CLASP2: variants seen among roughly 807,000 people sequenced by gnomAD.
CLASP2 encodes cytoplasmic linker associated protein 2.
A neutral mutation model predicts 194.4 loss-of-function variants in CLASP2; 47 were observed. The ratio of observed to expected loss-of-function variants is 0.24; its 90% CI spans 0.19 to 0.31. The LOEUF is 0.31. CLASP2 is among the 10% of genes least tolerant of loss of function. CLASP2 has a pLI of 1.00. For missense variants in CLASP2, 1,445 were observed against 1,823.6 expected (o/e 0.79, Z 3.78); for synonymous variants, 619 against 633.5 (o/e 0.98, Z 0.34).
At chr3:33,598,823 A>G (rs1403021850) in intron 18 of CLASP2, among the ~76,000 whole-genome samples, 2 of 152,200 alleles carry the variant, frequency 1.3e-5, no homozygotes, top group Non-Finnish European at 1.5e-5. Flanking sequence ...GTTAGAATAA[A>G]TATTCATAAA....
At position 33,573,330 on chromosome 3, in the gene CLASP2, C is replaced by G; in HGVS notation, c.2479G>C (p.Glu827Gln). 1 of 1,613,710 alleles carries G rather than the reference C, an allele frequency of 6.2e-7. No homozygotes were observed. The highest frequency in any genetic ancestry group is 8.5e-7 in the Non-Finnish European group (1 of 1,179,690). The change falls in exon 25 of 39, where the codon GAA becomes CAA. Residue 827 changes from glutamate (E) to glutamine (Q), a missense_variant. This residue lies in a region of CLASP2 where 732 missense variants were observed against 987.9 expected (regional missense o/e 0.74). Coordinates refer to ENST00000682230, the MANE Select transcript of CLASP2 (RefSeq NM_001365631.1). ...ALKKPARRRYESYGMHSDDDA... is the reference protein window; with the variant it reads ...ALKKPARRRYQSYGMHSDDDA... ...TCATCTGAATGCATTCCATATGATT[C>G]ATATCTTCTTCGAGCTGGTTTTTTC... is the stretch of plus-strand genomic sequence containing the variant.
chr3:33,563,358 A>C (rs2062096612), intron 27 of CLASP2, among the ~76,000 whole-genome samples: 1 of 152,094 alleles, frequency 6.6e-6, no homozygotes, highest in Middle Eastern at 3.2e-3. Context: ...CATAAGTGTG[A>C]CCTACTTGAC....
Position 33,606,702 on chromosome 3 carries a change from G to T in CLASP2, c.1583C>A (p.Ser528Tyr). Residue 528 changes from serine (S) to tyrosine (Y), a missense_variant, in exon 16 of 39, where the codon TCC becomes TAC. Around this residue, in one of 4 missense-constraint regions of CLASP2, gnomAD observed 207 missense variants for 331.4 expected, o/e 0.62. Coordinates refer to ENST00000682230, the MANE Select transcript of CLASP2 (RefSeq NM_001365631.1). Reference sequence around the variant, plus strand: ...ACTCTTCTGATAAGATGGCTCAAGGGAATTATATAATGTTTCAGCTTCACC... The same window carrying T: ...ACTCTTCTGATAAGATGGCTCAAGGTAATTATATAATGTTTCAGCTTCACC... ...FPGEAETLYN[S>Y]LEPSYQKSLQ... The T allele has an allele frequency of 1.2e-6, 2 of 1,613,176 alleles. No individual in the cohort carries two copies. The highest frequency in any genetic ancestry group is 8.5e-7 in the Non-Finnish European group (1 of 1,179,302).
At chr3:33,513,957 T>G (rs143306469) in intron 36 of CLASP2, among the ~76,000 whole-genome samples, 35 of 152,306 alleles carry the variant, frequency 2.3e-4, no homozygotes, top group East Asian at 1.5e-3. Context: ...ATAATGTCCT[T>G]TGAAGGACAG....
chr3:33,710,796 A>G (rs1473628583), intron 1 of CLASP2, among the ~76,000 whole-genome samples: 20 of 152,068 alleles, frequency 1.3e-4, no homozygotes, highest in Admixed American at 1.3e-3. Context: ...TTAGCTGGGC[A>G]TGGTGGCATA....
chr3:33,551,671 T>C (rs1466762927), intron 29 of CLASP2, among the ~76,000 whole-genome samples: 1 of 152,190 alleles, frequency 6.6e-6, no homozygotes, highest in East Asian at 1.9e-4. Context: ...TATATGACAG[T>C]GTTGATGATT....
intron 7 of CLASP2, among the ~76,000 whole-genome samples, chr3:33,656,711 A>G (rs114151415): frequency 0.014 from 2,064 of 152,314 alleles, 53 homozygotes; most frequent in African/African-American, 0.047. Context: ...TAGAAAAATT[A>G]TATATAGTAA....
At chr3:33,583,043 C>T (rs532609777) in intron 22 of CLASP2, among the ~76,000 whole-genome samples, 11 of 152,120 alleles carry the variant, frequency 7.2e-5, no homozygotes, top group Middle Eastern at 3.4e-3. Flanking sequence ...TGAATGTGTA[C>T]GAGCAAAGCA....
At chr3:33,583,133 T>G (rs968801248) in intron 22 of CLASP2, among the ~76,000 whole-genome samples, 7 of 152,096 alleles carry the variant, frequency 4.6e-5, no homozygotes, top group Admixed American at 1.3e-4. Flanking sequence ...CTCAAGAAGA[T>G]AGCTGAGCAA....
chr3:33,671,650 T>G (rs1468170904), intron 6 of CLASP2, among the ~76,000 whole-genome samples: 3 of 152,114 alleles, frequency 2.0e-5, no homozygotes, highest in Non-Finnish European at 2.9e-5. Context: ...ATTGCCTCAC[T>G]TGGGAAGCAC....
rs543476554 is a variant in CLASP2 at position 33,516,220 on chromosome 3, G to A, written c.3982-69C>T. 24 of 1,443,540 alleles carry A rather than the reference G, an allele frequency of 1.7e-5. 1 individual carries two copies. Among genetic ancestry groups the A allele is most frequent in the Non-Finnish European group, 2.0e-5 (22 of 1,081,152 alleles). 89.4% of individuals were successfully genotyped at this position (1,443,540 alleles called of 1,614,324 possible). A position where few individuals can be genotyped will look rare whatever the true frequency, so the allele number is the denominator to read the frequency against. On this transcript the variant is annotated intron_variant, in intron 35 of 38. Transcript: ENST00000682230. ...ATAATCTTTAACATTTTCAATTTTT[G>A]TAACTTAAGGGTCTTAATATTGGGG...
intron 7 of CLASP2, among the ~76,000 whole-genome samples, chr3:33,649,891 C>A (rs942098169): frequency 6.6e-6 from 1 of 152,144 alleles, no homozygotes; most frequent in African/African-American, 2.4e-5. Flanking sequence ...ACTCTGTGGG[C>A]TCAGACTGGT....
Position 33,517,036 on chromosome 3 carries a change from T to G in CLASP2, c.3926A>C (p.Asp1309Ala), listed in dbSNP as rs1461362862. 1.2e-6 allele frequency: 2 copies of G among 1,613,536 alleles called. No individual in the cohort carries two copies. Among genetic ancestry groups the G allele is most frequent in the Non-Finnish European group, 1.7e-6 (2 of 1,179,776 alleles). The change falls in exon 35 of 39, where the codon GAT becomes GCT. Residue 1309 changes from aspartate to alanine, a missense_variant. Asp to Ala is a moderately radical substitution (Grantham distance 126). Around this residue, in one of 4 missense-constraint regions of CLASP2, gnomAD observed 732 missense variants for 987.9 expected, o/e 0.74. Transcript: ENST00000682230. ...LTQEESFSVWDEHFKTILLLL... is the reference protein window; with the variant it reads ...LTQEESFSVWAEHFKTILLLL... ...AAGCAATATTGTTTTGAAGTGTTCATCCCAAACACTAAAAGATTCTTCCTG... is the reference window on the plus strand; with the variant it reads ...AAGCAATATTGTTTTGAAGTGTTCAGCCCAAACACTAAAAGATTCTTCCTG...
chr3:33,643,773 T>C (rs1291710367), intron 8 of CLASP2, among the ~76,000 whole-genome samples: 1 of 151,954 alleles, frequency 6.6e-6, no homozygotes, highest in African/African-American at 2.4e-5. Flanking sequence ...TATAGAAAGA[T>C]CAAGGGAACA....
intron 1 of CLASP2, among the ~76,000 whole-genome samples, chr3:33,697,446 A>C (rs2092022978): frequency 6.6e-6 from 1 of 152,232 alleles, no homozygotes; most frequent in African/African-American, 2.4e-5. Context: ...GCGTACCTAA[A>C]CATAAAAAGG....
At chr3:33,600,913 G>C (rs137911857) in intron 18 of CLASP2, among the ~76,000 whole-genome samples, 2,176 of 148,362 alleles carry the variant, frequency 0.015, 33 homozygotes, top group South Asian at 0.03. Flanking sequence ...CTCAGAAAAA[G>C]TGTCCCATCA....
At chr3:33,508,613 GCCA>G (rs1373836389) in intron 37 of CLASP2, among the ~76,000 whole-genome samples, 1 of 152,204 alleles carries the variant, frequency 6.6e-6, no homozygotes, top group African/African-American at 2.4e-5. Flanking sequence ...ACAGGCATGA[GCCA>G]CCACACCTGG....
chr3:33,686,710 A>T (rs767586038), intron 5 of CLASP2, among the ~76,000 whole-genome samples: 9 of 152,170 alleles, frequency 5.9e-5, no homozygotes, highest in Non-Finnish European at 8.8e-5. Flanking sequence ...TTATGCAGCC[A>T]ATTTCAGCAA....
At chr3:33,664,343 G>A (rs971575235) in intron 6 of CLASP2, among the ~76,000 whole-genome samples, 4 of 151,700 alleles carry the variant, frequency 2.6e-5, no homozygotes, top group African/African-American at 9.7e-5. Context: ...TTAAATTTGT[G>A]ACTTAGAGAA....
Sources: allele counts gnomAD v4.1 joint callset (sites outside exome capture counted in the v4.1 genomes callset), GRCh38; gene constraint gnomAD v4.1.1; regional missense constraint gnomAD v4.1.1; transcripts MANE v1.5; gene names NCBI Gene and HGNC (gene_info 2026-07-23, HGNC 2026-07-21).